SLC9B1: variants seen among roughly 807,000 people sequenced by gnomAD.
SLC9B1 encodes sodium/hydrogen exchanger 9B1.
A neutral mutation model predicts 51.7 loss-of-function variants in SLC9B1; 32 were observed. That is an observed-to-expected ratio of 0.62 (90% CI 0.47 to 0.83). SLC9B1 has a LOEUF of 0.83. SLC9B1 is among the 40% of genes least tolerant of loss of function. The pLI is 0.00. For missense variants in SLC9B1, 406 were observed against 613.2 expected (o/e 0.66, Z 3.57); for synonymous variants, 145 against 212.7 (o/e 0.68, Z 2.77).
chr4:102,991,548 T>C (rs1172949461), intron 2 of SLC9B1, 95 bp downstream of exon 2: 6 of 810,154 alleles, frequency 7.4e-6, no homozygotes, highest in Non-Finnish European at 5.5e-6. Context: ...TAACCAGATA[T>C]ATAAAAGAAA....
At chr4:102,916,646 A>T (rs1481955951) in intron 7 of SLC9B1, among the ~76,000 whole-genome samples, 1 of 152,256 alleles carries the variant, frequency 6.6e-6, no homozygotes, top group South Asian at 2.1e-4. Flanking sequence ...CTTCTCAAGT[A>T]CATACCAAGA....
chr4:102,923,172 T>A (rs1284114582), intron 7 of SLC9B1, among the ~76,000 whole-genome samples: 1 of 152,144 alleles, frequency 6.6e-6, no homozygotes, highest in East Asian at 1.9e-4. Context: ...AATAAGATAC[T>A]GACAAACTGA....
chr4:102,889,957 C>T (rs1355974444), intron 11 of SLC9B1: 1 of 149,282 alleles, frequency 6.7e-6, no homozygotes, highest in Non-Finnish European at 1.5e-5. Context: ...GTTTCTAGAG[C>T]CTTCAAAATA....
At chr4:102,951,114 C>A (rs1392440655) in intron 3 of SLC9B1, among the ~76,000 whole-genome samples, 3 of 152,168 alleles carry the variant, frequency 2.0e-5, no homozygotes, top group Non-Finnish European at 4.4e-5. Context: ...CTCTGGGTGG[C>A]AAAGTCTTTT....
chr4:103,001,965 C>T (rs775208249), intron 1 of SLC9B1, among the ~76,000 whole-genome samples: 28 of 152,276 alleles, frequency 1.8e-4, no homozygotes, highest in Non-Finnish European at 2.9e-4. Context: ...AGGAGGAGCA[C>T]GGACCTTCTT....
rs906816873 is a variant in SLC9B1, at chr4:102,891,215, A to G, written c.1333-5887T>C. ...CTTTTTAAAAAATTTTTAATGGTAG[A>G]GGCAGCAGCTACCCAGAGTCTACTT... On this transcript the variant is annotated intron_variant, in intron 11 of 11. Transcript: ENST00000394789. 6.1e-5 allele frequency: 9 copies of G among 146,828 alleles called. 1 individual carries two copies. The highest frequency in any genetic ancestry group is 2.5e-4 in the African/African-American group (9 of 36,614). The allele number at this position is 146,828 out of a possible 1,614,324, so 9.1% of individuals were successfully genotyped here. A position where few individuals can be genotyped will look rare whatever the true frequency, so the allele number is the denominator to read the frequency against.
intron 6 of SLC9B1, among the ~76,000 whole-genome samples, chr4:102,939,943 C>G (rs547174594): frequency 6.6e-6 from 1 of 152,268 alleles, no homozygotes; most frequent in East Asian, 1.9e-4. Context: ...AGAACTGGAA[C>G]AAGACAAGGA....
chr4:102,976,693 A>G (rs1739087992), intron 3 of SLC9B1, among the ~76,000 whole-genome samples: 1 of 152,224 alleles, frequency 6.6e-6, no homozygotes, highest in Admixed American at 6.5e-5. Context: ...GATAGGATGG[A>G]CACAGATATA....
At chr4:102,980,753 A>C (rs1406222802) in intron 3 of SLC9B1, among the ~76,000 whole-genome samples, 1 of 152,130 alleles carries the variant, frequency 6.6e-6, no homozygotes, top group East Asian at 1.9e-4. Context: ...AGTTGATGAA[A>C]AAAAAATCCC....
intron 1 of SLC9B1, among the ~76,000 whole-genome samples, chr4:103,006,674 CAG>C (rs1032760187): frequency 2.6e-5 from 4 of 152,064 alleles, no homozygotes; most frequent in African/African-American, 9.7e-5. Context: ...CCAAACCTGG[CAG>C]AGACACAATA....
intron 4 of SLC9B1, among the ~76,000 whole-genome samples, chr4:102,948,366 A>ACACACACACACACG (rs1385767208): frequency 6.7e-6 from 1 of 150,372 alleles, no homozygotes; most frequent in African/African-American, 2.5e-5. Context: ...ACACACACAC[A>ACACACACACACACG]CTACTGGTCA....
At chr4:103,004,473 G>T (rs1740683308) in intron 1 of SLC9B1, among the ~76,000 whole-genome samples, 1 of 152,194 alleles carries the variant, frequency 6.6e-6, no homozygotes, top group South Asian at 2.1e-4. Flanking sequence ...GTCCCAGAAA[G>T]AGAGGGAGAA....
chr4:102,981,250 G>GA (rs1303974992), intron 3 of SLC9B1, among the ~76,000 whole-genome samples: 1 of 152,046 alleles, frequency 6.6e-6, no homozygotes, highest in African/African-American at 2.4e-5. Flanking sequence ...CTCACCTAAT[G>GA]AAAGACATTT....
At chr4:102,955,535 A>G (rs1327806923) in intron 3 of SLC9B1, among the ~76,000 whole-genome samples, 1 of 152,080 alleles carries the variant, frequency 6.6e-6, no homozygotes, top group Non-Finnish European at 1.5e-5. Context: ...TGGATTTGGT[A>G]TGGAGTAGAG....
chr4:102,958,781 G>A (rs112410195), intron 3 of SLC9B1, among the ~76,000 whole-genome samples: 2,690 of 152,126 alleles, frequency 0.018, 32 homozygotes, highest in Non-Finnish European at 0.023. Flanking sequence ...AAATTAGCCG[G>A]GCATGGTGGC....
chr4:102,893,281 CAAA>C (rs58316456), intron 11 of SLC9B1, among the ~76,000 whole-genome samples: 442 of 35,080 alleles, frequency 0.013, no homozygotes, highest in Non-Finnish European at 0.016. Flanking sequence ...GACTCCATCT[CAAA>C]AAAAAAAAAA....
At chr4:102,971,404 A>G (rs1738753476) in intron 3 of SLC9B1, among the ~76,000 whole-genome samples, 1 of 152,254 alleles carries the variant, frequency 6.6e-6, no homozygotes, top group Non-Finnish European at 1.5e-5. Context: ...TAAATAATGA[A>G]ATGAAGGCAG....
chr4:102,889,770 T>C (rs1192486062), intron 11 of SLC9B1: 2 of 152,236 alleles, frequency 1.3e-5, no homozygotes, highest in Non-Finnish European at 2.9e-5. Context: ...TAAGCATTAT[T>C]AGCAGTTTGC....
intron 9 of SLC9B1, 86 bp from the exon 10 acceptor site, chr4:102,906,730 TC>T (rs1429246942): frequency 2.4e-6 from 2 of 827,756 alleles, no homozygotes; most frequent in Non-Finnish European, 3.7e-6. Flanking sequence ...CTTTTTTTTT[TC>T]ATTTTTTAAG....
Sources: gnomAD v4.1 joint callset for allele counts (sites outside exome capture counted in the v4.1 genomes callset) on GRCh38, gnomAD v4.1.1 for gene constraint, MANE v1.5 for transcripts, NCBI Gene and HGNC (gene_info 2026-07-23, HGNC 2026-07-21) for gene names.